The following GALNT17 variants were observed in gnomAD, a reference collection of about 807,000 sequenced individuals.
The protein encoded by GALNT17 is UDP-GalNAc:polypeptide N-acetylgalactosaminyltransferase-like 3.
Under a neutral mutation model 63.7 loss-of-function variants are expected in GALNT17, and 29 were observed. The observed-to-expected ratio is 0.46, with a 90% CI of 0.34 to 0.62. The LOEUF is 0.62. Among genes scored for constraint, GALNT17 ranks in the 20% least tolerant of loss-of-function variants. The pLI, the probability that GALNT17 is intolerant of heterozygous loss-of-function variation, is 0.01. For synonymous variants in GALNT17, 305 were observed against 318.3 expected, an observed-to-expected ratio of 0.96 and a Z score of 0.45; for missense variants, 603 against 799.6, an observed-to-expected ratio of 0.75 and a Z score of 2.97.
At chr7:71,551,947 C>G (rs1789084171) in intron 5 of GALNT17, among the ~76,000 whole-genome samples, 1 of 152,000 alleles carries the variant, frequency 6.6e-6, no homozygotes, top group South Asian at 2.1e-4. Context: ...TCTGGGCTTC[C>G]CAGAGGAAAT....
chr7:71,617,310 C>CT (rs1554316139), intron 6 of GALNT17, among the ~76,000 whole-genome samples: 4 of 111,754 alleles, frequency 3.6e-5, no homozygotes, highest in Non-Finnish European at 5.4e-5. Context: ...TTTGCAGGGG[C>CT]GGGGGGGGTT....
intron 2 of GALNT17, among the ~76,000 whole-genome samples, chr7:71,336,532 C>T (rs1184556811): frequency 6.6e-6 from 1 of 152,114 alleles, no homozygotes; most frequent in African/African-American, 2.4e-5. Flanking sequence ...GTCTATTGTT[C>T]CCCTCTTTAT....
chr7:71,537,673 G>T (rs1047323970), intron 5 of GALNT17, among the ~76,000 whole-genome samples: 1 of 152,024 alleles, frequency 6.6e-6, no homozygotes, highest in African/African-American at 2.4e-5. Flanking sequence ...TTAGCCAGGC[G>T]TTGGTGGCAC....
At chr7:71,704,084 G>A (rs1791690688) in intron 9 of GALNT17, among the ~76,000 whole-genome samples, 1 of 152,140 alleles carries the variant, frequency 6.6e-6, no homozygotes. Context: ...TCCAGTGGGT[G>A]TGGTCAGTTG....
chr7:71,495,471 C>G (rs1379568469), intron 5 of GALNT17, among the ~76,000 whole-genome samples: 5 of 152,116 alleles, frequency 3.3e-5, no homozygotes, highest in African/African-American at 1.2e-4. Context: ...CATAATTAAT[C>G]AAAATAACCT....
chr7:71,292,821 T>C (rs189560239), intron 1 of GALNT17, among the ~76,000 whole-genome samples: 140 of 152,248 alleles, frequency 9.2e-4, no homozygotes, highest in African/African-American at 3.2e-3. Flanking sequence ...TTGTCTAGTA[T>C]AACCAAAACT....
In GALNT17 at chr7:71,694,643, G is replaced by A. The variant is rs569760668; in HGVS notation, c.1501-16118G>A. ...ACTTCTGACCTCAAGTGATTCGCCCGCCTCGGCCTCCTAAAGTGCTGGGAT... is the reference window on the plus strand; with the variant it reads ...ACTTCTGACCTCAAGTGATTCGCCCACCTCGGCCTCCTAAAGTGCTGGGAT... On this transcript the variant is annotated intron_variant, in intron 9 of 10. Transcript: ENST00000333538. Among the ~76,000 whole-genome samples the A allele has an allele frequency of 1.5e-3, 228 of 152,264 alleles. 2 individuals are homozygous for A. Among genetic ancestry groups the A allele is most frequent in the South Asian group, 7.7e-3 (37 of 4,826 alleles).
chr7:71,483,175 C>CAGTG (rs1479643869), intron 5 of GALNT17, among the ~76,000 whole-genome samples: 1 of 152,086 alleles, frequency 6.6e-6, no homozygotes, highest in East Asian at 1.9e-4. Context: ...CTGGGTGAGT[C>CAGTG]AGTGAGTGAG....
chr7:71,499,245 G>T (rs1020902047), intron 5 of GALNT17, among the ~76,000 whole-genome samples: 1 of 152,190 alleles, frequency 6.6e-6, no homozygotes, highest in African/African-American at 2.4e-5. Flanking sequence ...CAGGGTTGGG[G>T]AGTGGAGTGG....
chr7:71,662,537 T>C (rs1373138805), intron 6 of GALNT17, among the ~76,000 whole-genome samples: 2 of 152,148 alleles, frequency 1.3e-5, no homozygotes, highest in African/African-American at 2.4e-5. Context: ...CCATTAGCAG[T>C]CACTCTACCT....
intron 1 of GALNT17, among the ~76,000 whole-genome samples, chr7:71,326,043 T>C (rs1791698504): frequency 6.6e-6 from 1 of 152,206 alleles, no homozygotes; most frequent in East Asian, 1.9e-4. Flanking sequence ...TTTTCTGTCT[T>C]TTGTTTTTTT....
intron 5 of GALNT17, among the ~76,000 whole-genome samples, chr7:71,442,373 A>AT (rs1029408713): frequency 2.0e-5 from 3 of 151,556 alleles, no homozygotes; most frequent in Admixed American, 1.3e-4. Context: ...ATTTTTTTGT[A>AT]TTTTTTTAGT....
At chr7:71,335,832 G>A (rs117978947) in intron 2 of GALNT17, 99 bp downstream of exon 2, 21,110 of 1,102,480 alleles carry the variant, frequency 0.019, 243 homozygotes, top group Non-Finnish European at 0.022. Flanking sequence ...TGTAACTCTT[G>A]GGGGAGTTTT....
chr7:71,667,961 T>C (rs979908359), intron 7 of GALNT17, among the ~76,000 whole-genome samples: 1 of 152,088 alleles, frequency 6.6e-6, no homozygotes, highest in Non-Finnish European at 1.5e-5. Flanking sequence ...CCTCTACCTG[T>C]CTAACTTCCG....
chr7:71,423,386 G>A (rs552260758), intron 5 of GALNT17, among the ~76,000 whole-genome samples: 2 of 152,228 alleles, frequency 1.3e-5, no homozygotes, highest in Admixed American at 6.5e-5. Flanking sequence ...TCTGATCCCC[G>A]AGTTATAGTT....
At chr7:71,515,850 A>T (rs967123751) in intron 5 of GALNT17, among the ~76,000 whole-genome samples, 1 of 152,110 alleles carries the variant, frequency 6.6e-6, no homozygotes, top group Non-Finnish European at 1.5e-5. Context: ...GAGGGTTTTG[A>T]GGACTTCAAT....
intron 5 of GALNT17, among the ~76,000 whole-genome samples, chr7:71,482,883 A>C (rs1262844295): frequency 1.3e-5 from 2 of 152,162 alleles, no homozygotes; most frequent in African/African-American, 4.8e-5. Flanking sequence ...TGCGTAGTTC[A>C]CAAGAGTGTT....
chr7:71,267,367 GT>G (rs11297482), intron 1 of GALNT17, among the ~76,000 whole-genome samples: 57,306 of 146,206 alleles, frequency 0.39, 10,979 homozygotes, highest in Non-Finnish European at 0.44. Flanking sequence ...GGATTTTCTA[GT>G]TTTTTTTTTT....
intron 5 of GALNT17, among the ~76,000 whole-genome samples, chr7:71,553,443 T>A (rs1789113505): frequency 6.6e-6 from 1 of 152,208 alleles, no homozygotes; most frequent in African/African-American, 2.4e-5. Context: ...TATGATAAAT[T>A]CCTAAGAGTA....
Sources: gnomAD v4.1 joint callset for allele counts (sites outside exome capture counted in the v4.1 genomes callset) on GRCh38, gnomAD v4.1.1 for gene constraint, MANE v1.5 for transcripts, NCBI Gene and HGNC (gene_info 2026-07-23, HGNC 2026-07-21) for gene names.